Variants in INSL6 observed in about 807,000 individuals in gnomAD.
The protein encoded by INSL6 is insulin-like peptide INSL6.
INSL6 carries 16 observed loss-of-function variants against 9.4 expected under a neutral mutation model. That is an observed-to-expected ratio of 1.70 (90% CI 1.15 to 2.59). INSL6 has a LOEUF of 2.59. Among genes scored for constraint, INSL6 ranks in the 30% most tolerant of loss-of-function variants. INSL6 has a pLI of 0.00. For synonymous variants in INSL6, 154 were observed against 96.9 expected (o/e 1.59, Z -3.46); for missense variants, 391 against 257.3 (o/e 1.52, Z -3.56).
chr9:5,065,956 C>G, the INSL6 span, among the ~76,000 whole-genome samples: 3 of 152,098 alleles, frequency 2.0e-5, no homozygotes, highest in Admixed American at 1.3e-4. Flanking sequence ...ACTACTTGAA[C>G]TTTATGTCTG....
Position 5,185,450 on chromosome 9 carries a change from G to C in INSL6, c.153C>G (p.Ser51Arg). Residue 51 changes from serine (S) to arginine (R), a missense_variant, in exon 1 of 2, where the codon AGC (serine) becomes AGG (arginine). Physicochemically the swap from Ser to Arg is moderately radical, Grantham distance 110. Coordinates refer to ENST00000381641, the MANE Select transcript of INSL6 (RefSeq NM_007179.3). ...IEKLCGHANW[S>R]QFRFEEETPF... ...GGGTTTCCTCCTCGAAACGGAACTG[G>C]CTCCAGTTGGCATGGCCGCAGAGTT... 6.2e-7 allele frequency: 1 copy of C among 1,614,192 alleles called. No homozygotes were observed. The highest frequency in any genetic ancestry group is 8.5e-7 in the Non-Finnish European group (1 of 1,180,042).
At chr9:5,069,111 C>A in the INSL6 span, 2 of 1,610,754 alleles carry the variant, frequency 1.2e-6, no homozygotes, top group Admixed American at 1.7e-5. Flanking sequence ...AGAACTTCAG[C>A]AGTCTTAAAG....
chr9:5,052,175 A>G, the INSL6 span, among the ~76,000 whole-genome samples: 19 of 152,140 alleles, frequency 1.2e-4, no homozygotes, highest in Non-Finnish European at 2.4e-4. Context: ...GACTTAAGCT[A>G]TCGTGGAATA....
chr9:5,102,782 T>C, the INSL6 span, among the ~76,000 whole-genome samples: 159 of 152,236 alleles, frequency 1.0e-3, no homozygotes, highest in African/African-American at 3.7e-3. Flanking sequence ...GAATTTCATA[T>C]CCAGCCACAC....
At chr9:5,050,512 C>G in the INSL6 span, among the ~76,000 whole-genome samples, 1 of 152,192 alleles carries the variant, frequency 6.6e-6, no homozygotes, top group African/African-American at 2.4e-5. Flanking sequence ...CTCAAGTGAT[C>G]TTCATGCCTT....
chr9:5,056,777 T>G, the INSL6 span, among the ~76,000 whole-genome samples: 136 of 152,300 alleles, frequency 8.9e-4, 4 homozygotes, highest in East Asian at 0.014. Flanking sequence ...TTTATTGATC[T>G]TAATGTGAAC....
intron 2 of INSL6, among the ~76,000 whole-genome samples, chr9:5,149,207 C>T (rs1269056991): frequency 6.6e-6 from 1 of 152,220 alleles, no homozygotes; most frequent in Non-Finnish European, 1.5e-5. Context: ...GCGAGAGTGC[C>T]TTTTGGGGCC....
At chr9:5,175,652 A>AT (rs779499293) in intron 1 of INSL6, among the ~76,000 whole-genome samples, 1 of 152,144 alleles carries the variant, frequency 6.6e-6, no homozygotes, top group Non-Finnish European at 1.5e-5. Flanking sequence ...CATTGCTCGC[A>AT]TTATCACCTG....
chr9:5,141,598 C>T (rs752004637), intron 2 of INSL6, among the ~76,000 whole-genome samples: 3 of 151,872 alleles, frequency 2.0e-5, no homozygotes, highest in Non-Finnish European at 2.9e-5. Context: ...TTCTAAGTTC[C>T]TTATAGATGC....
the INSL6 span, chr9:5,110,710 T>A: frequency 2.9e-6 from 1 of 345,182 alleles, no homozygotes; most frequent in East Asian, 7.2e-5. Context: ...TACTGCCACC[T>A]CCTTAACTGC....
At chr9:5,014,936 C>T in the INSL6 span, among the ~76,000 whole-genome samples, 3 of 148,092 alleles carry the variant, frequency 2.0e-5, no homozygotes, top group Non-Finnish European at 3.0e-5. Flanking sequence ...TTTTTTTTTG[C>T]GGGGGCGGGG....
chr9:5,149,590 G>C (rs1404665612), intron 2 of INSL6, among the ~76,000 whole-genome samples: 2 of 152,146 alleles, frequency 1.3e-5, no homozygotes, highest in Non-Finnish European at 2.9e-5. Flanking sequence ...AGAAATTATA[G>C]ATGACACAAA....
At chr9:5,069,839 A>G in the INSL6 span, 1,240 of 809,026 alleles carry the variant, frequency 1.5e-3, 7 homozygotes, top group Non-Finnish European at 1.2e-3. Context: ...TCTTATACGT[A>G]GAACACATTT....
chr9:5,034,259 C>A, the INSL6 span, among the ~76,000 whole-genome samples: 12 of 152,094 alleles, frequency 7.9e-5, no homozygotes, highest in African/African-American at 2.9e-4. Context: ...TAGAGACCTA[C>A]AAAGAGACTT....
In INSL6 at chr9:5,185,505, C is replaced by T. The variant is rs1825555217; in HGVS notation, c.98G>A (p.Cys33Tyr). The T allele has an allele frequency of 6.2e-7, 1 of 1,614,184 alleles. No individual in the cohort carries two copies. Among genetic ancestry groups the T allele is most frequent in the Non-Finnish European group, 8.5e-7 (1 of 1,180,036 alleles). The part of the protein sequence containing the change: ...LSDISSARKL[C>Y]GRYLVKEIEK... ...TATTTCTTTCACCAAGTACCTGCCGCACAGCTTCCTGGCACTGCTGATGTC... is the reference window on the plus strand; with the variant it reads ...TATTTCTTTCACCAAGTACCTGCCGTACAGCTTCCTGGCACTGCTGATGTC... The change falls in exon 1 of 2, where the codon TGC (cysteine) becomes TAC (tyrosine). Residue 33 changes from cysteine (C) to tyrosine (Y), a missense_variant. Transcript: ENST00000381641.
the INSL6 span, among the ~76,000 whole-genome samples, chr9:5,105,839 C>G: frequency 1.3e-5 from 2 of 152,150 alleles, no homozygotes; most frequent in African/African-American, 4.8e-5. Context: ...ATAAATGGTG[C>G]TGGGAAAACT....
the INSL6 span, chr9:5,066,624 C>A: frequency 1.0e-6 from 1 of 958,752 alleles, no homozygotes; most frequent in South Asian, 1.3e-5. Context: ...GACACTTGGT[C>A]ATAATATTAT....
intron 2 of INSL6, among the ~76,000 whole-genome samples, chr9:5,140,783 C>T (rs569513420): frequency 6.6e-6 from 1 of 152,028 alleles, no homozygotes; most frequent in African/African-American, 2.4e-5. Context: ...AAACTTGTGC[C>T]ATGGGGGTTT....
chr9:5,053,588 T>C, the INSL6 span, among the ~76,000 whole-genome samples: 1 of 152,022 alleles, frequency 6.6e-6, no homozygotes, highest in African/African-American at 2.4e-5. Context: ...CAGTTTCTCT[T>C]GAAATAATGG....
Sources: gnomAD v4.1 joint callset for allele counts (sites outside exome capture counted in the v4.1 genomes callset) on GRCh38, gnomAD v4.1.1 for gene constraint, MANE v1.5 for transcripts, NCBI Gene and HGNC (gene_info 2026-07-23, HGNC 2026-07-21) for gene names.